The following DNAH10 variants were observed in gnomAD, a reference collection of about 807,000 sequenced individuals.
DNAH10 encodes the protein axonemal beta dynein heavy chain 10.
DNAH10 carries 348 observed loss-of-function variants against 506.6 expected under a neutral mutation model. The ratio of observed to expected loss-of-function variants is 0.69; its 90% confidence interval spans 0.63 to 0.75. The LOEUF (loss-of-function observed/expected upper bound fraction) is 0.75, where lower values mean the gene tolerates loss of function less well. Among genes scored for constraint, DNAH10 ranks in the 30% least tolerant of loss-of-function variants. The pLI is 0.00. For missense variants in DNAH10, 5,179 were observed against 5,787.1 expected, an observed-to-expected ratio of 0.89 and a Z score of 3.41; for synonymous variants, 2,059 against 2,198.6, an observed-to-expected ratio of 0.94 and a Z score of 1.78.
intron 32 of DNAH10, among the ~76,000 whole-genome samples, chr12:123,847,218 T>TTTATCTATC (rs370500982): frequency 4.1e-4 from 58 of 142,836 alleles, no homozygotes; most frequent in Admixed American, 1.1e-3. Flanking sequence ...ATCCATCCTA[T>TTTATCTATC]TATCTATCTA....
In DNAH10 at chr12:123,848,095, G is replaced by A; in HGVS notation, c.5949G>A (p.Arg1983=). Residue 1983 remains arginine (R), a splice_region_variant and synonymous_variant, in exon 33 of 79, where the codon AGG becomes AGA. Transcript: ENST00000673944. ...VTNCGEGMDY[R]AVGKIFSGLA... ...ACTGTGGCGAAGGCATGGATTACAG[G>A]GTAAGGCCTGGCTGTCACCTTTGGT... The A allele has an allele frequency of 6.2e-7, 1 of 1,612,484 alleles. No individual in the cohort carries two copies. Among genetic ancestry groups the A allele is most frequent in the Non-Finnish European group, 8.5e-7 (1 of 1,179,058 alleles).
In DNAH10 at chr12:123,917,618, C is replaced by T. The variant is rs370462388; in HGVS notation, c.11037C>T (p.Ser3679=). The T allele has an allele frequency of 5.7e-4, 889 of 1,551,618 alleles. 2 individuals carry two copies. The highest frequency in any genetic ancestry group is 6.9e-4 in the Non-Finnish European group (797 of 1,147,028). The change falls in exon 64 of 79, where the codon AGC becomes AGT. Residue 3679 remains serine, a synonymous_variant. Transcript: ENST00000673944. This position sits in a 1 kb window ranked among gnomAD's most constrained non-coding sequence, Gnocchi z 5.6. ...AGGGCCTGGAGGACCAGCTGCTGAG[C>T]GTGCTGGTGGCTTACGAGAGGCGGG... is the stretch of plus-strand genomic sequence containing the variant. ...TLKGLEDQLL[S]VLVAYERREL... is the part of the protein sequence containing the mutation.
chr12:123,849,224 A>G (rs564219092), intron 34 of DNAH10, among the ~76,000 whole-genome samples: 1 of 152,334 alleles, frequency 6.6e-6, no homozygotes, highest in East Asian at 1.9e-4. Context: ...CCTGACTTAG[A>G]AAGCGAATGT....
chr12:123,910,932 C>A (rs1323763110), intron 59 of DNAH10, among the ~76,000 whole-genome samples: 3 of 152,006 alleles, frequency 2.0e-5, no homozygotes. Context: ...TCAGACCAGG[C>A]GTGGTAGCTC....
Position 123,799,295 on chromosome 12 carries a change from A to T in DNAH10, c.2213A>T (p.Asp738Val). The T allele has an allele frequency of 6.2e-7, 1 of 1,613,826 alleles. No individual in the cohort carries two copies. Among genetic ancestry groups the T allele is most frequent in the Non-Finnish European group, 8.5e-7 (1 of 1,179,810 alleles). Reference protein sequence around the residue: ...EVGRTMKEYEDRKYEQWMEVT... With the variant: ...EVGRTMKEYEVRKYEQWMEVT... ...GGTAGGACAATGAAGGAGTATGAAGACAGAAAGTATGAGCAGTGGATGGAG... is the reference window on the plus strand; with the variant it reads ...GGTAGGACAATGAAGGAGTATGAAGTCAGAAAGTATGAGCAGTGGATGGAG... The change falls in exon 14 of 79, where the codon GAC becomes GTC. Residue 738 changes from aspartate (D) to valine (V), a missense_variant. By Grantham distance (152) the Asp-to-Val change is radical. Coordinates refer to ENST00000673944, the MANE Select transcript of DNAH10 (RefSeq NM_001372106.1).
At chr12:123,789,119 G>C (rs1238159058) in intron 10 of DNAH10, among the ~76,000 whole-genome samples, 1 of 151,464 alleles carries the variant, frequency 6.6e-6, no homozygotes, top group African/African-American at 2.4e-5. Flanking sequence ...GTGGTGGCGG[G>C]CGCCTGTAAT....
intron 17 of DNAH10, among the ~76,000 whole-genome samples, chr12:123,804,504 G>A (rs1191290186): frequency 6.6e-6 from 1 of 151,070 alleles, no homozygotes; most frequent in Admixed American, 6.6e-5. Context: ...CTCCAGCCTG[G>A]GTGACAGAGT....
In DNAH10 at chr12:123,902,378, G is replaced by A. The variant is rs1164830523; in HGVS notation, c.9641-561G>A. Among the ~76,000 whole-genome samples, 3 of 152,164 alleles carry A rather than the reference G, an allele frequency of 2.0e-5. No individual in the cohort carries two copies. Among genetic ancestry groups the A allele is most frequent in the Admixed American group, 6.6e-5 (1 of 15,266 alleles). ...TCTAGGTTTTGGGGTTCCGGCCCTC[G>A]GGGAGGTGCTGACATCCTAGTGAGT... On this transcript the variant is annotated intron_variant, in intron 56 of 78. Transcript: ENST00000673944. The surrounding 1 kb of genome is among the most constrained non-coding windows in gnomAD (Gnocchi z 4.5).
At chr12:123,767,975 A>AC (rs1957110678) in intron 2 of DNAH10, among the ~76,000 whole-genome samples, 1 of 152,156 alleles carries the variant, frequency 6.6e-6, no homozygotes, top group African/African-American at 2.4e-5. Flanking sequence ...CCTCTGCAGG[A>AC]CCAAGGGGAG....
intron 10 of DNAH10, among the ~76,000 whole-genome samples, chr12:123,788,867 G>A (rs1472488556): frequency 2.7e-5 from 4 of 150,264 alleles, no homozygotes; most frequent in Admixed American, 2.0e-4. Context: ...TTGAGGCGCA[G>A]TGAGCCGTGG....
In DNAH10 at chr12:123,902,417, C is replaced by T. The variant is rs1953561483; in HGVS notation, c.9641-522C>T. 6.6e-6 allele frequency among the ~76,000 whole-genome samples: 1 copy of T among 152,106 alleles called. No homozygotes were observed. Among genetic ancestry groups the T allele is most frequent in the South Asian group, 2.1e-4 (1 of 4,824 alleles). The stretch of plus-strand genomic sequence containing the variant: ...ATCCTAGTGAGTGAGGGCACCCAGG[C>T]AGTGAATCAGCCAGTGGTGAAATGA... On this transcript the variant is annotated intron_variant, in intron 56 of 78. Transcript: ENST00000673944. This position sits in a 1 kb window ranked among gnomAD's most constrained non-coding sequence, Gnocchi z 4.5.
Position 123,909,599 on chromosome 12 carries a change from G to A in DNAH10, c.9997+157G>A, listed in dbSNP as rs983433035. Reference sequence around the variant, plus strand: ...GAACAGGCAACTGATGGTCACCAGAGGAAAACAGCAGCCCCATGACGTGAC... The same window carrying A: ...GAACAGGCAACTGATGGTCACCAGAAGAAAACAGCAGCCCCATGACGTGAC... On this transcript the variant is annotated intron_variant, in intron 58 of 78. Transcript: ENST00000673944. This position sits in a 1 kb window ranked among gnomAD's most constrained non-coding sequence, Gnocchi z 5.4. 6.6e-6 allele frequency among the ~76,000 whole-genome samples: 1 copy of A among 152,224 alleles called. No homozygotes were observed. Among genetic ancestry groups the A allele is most frequent in the African/African-American group, 2.4e-5 (1 of 41,446 alleles).
Position 123,853,325 on chromosome 12 carries a change from G to A in DNAH10, c.6411G>A (p.Leu2137=), listed in dbSNP as rs763612688. 2 of 1,612,282 alleles carry A rather than the reference G, an allele frequency of 1.2e-6. No individual in the cohort carries two copies. Among genetic ancestry groups the A allele is most frequent in the Non-Finnish European group, 8.5e-7 (1 of 1,179,178 alleles). ...LKSVLVMAGE[L]KRGSSDLRED... is the part of the protein sequence containing the mutation. ...CGGTGCTGGTCATGGCTGGTGAGCTGAAGAGAGGCTCCTCTGACCTTAGGG... is the reference window on the plus strand; with the variant it reads ...CGGTGCTGGTCATGGCTGGTGAGCTAAAGAGAGGCTCCTCTGACCTTAGGG... Residue 2137 remains leucine (L), a synonymous_variant, in exon 36 of 79, where the codon CTG becomes CTA. Transcript: ENST00000673944. This position sits in a 1 kb window ranked among gnomAD's most constrained non-coding sequence, Gnocchi z 4.7.
At position 123,930,491 on chromosome 12, in the gene DNAH10, T is replaced by C; in HGVS notation, c.12702T>C (p.Asp4234=). 1 of 1,611,346 alleles carries C rather than the reference T, an allele frequency of 6.2e-7. No homozygotes were observed. Among genetic ancestry groups the C allele is most frequent in the Non-Finnish European group, 8.5e-7 (1 of 1,179,148 alleles). Reference sequence around the variant, plus strand: ...AGTACCTGGGGGACTTCATTTTTGATACTTTCCAGCCATTCCACTTCTTCC... The same window carrying C: ...AGTACCTGGGGGACTTCATTTTTGACACTTTCCAGCCATTCCACTTCTTCC... ...MDEYLGDFIF[D]TFQPFHFFRN... Residue 4234 remains aspartate, a synonymous_variant, in exon 73 of 79, where the codon GAT becomes GAC. Transcript: ENST00000673944.
Position 123,823,346 on chromosome 12 carries a change from C to A in DNAH10, c.4179+2588C>A, listed in dbSNP as rs114765685. On this transcript the variant is annotated intron_variant, in intron 24 of 78. Coordinates refer to ENST00000673944, the MANE Select transcript of DNAH10 (RefSeq NM_001372106.1). ...GAGATGAAGCCGTGAGAAGGGACTCCGGAGGCAGCCGGGGGATTGCAGGCA... is the reference window on the plus strand; with the variant it reads ...GAGATGAAGCCGTGAGAAGGGACTCAGGAGGCAGCCGGGGGATTGCAGGCA... 8.3e-3 allele frequency among the ~76,000 whole-genome samples: 1,270 copies of A among 152,228 alleles called. 17 individuals are homozygous for A. Among genetic ancestry groups the A allele is most frequent in the African/African-American group, 0.029 (1,195 of 41,546 alleles).
chr12:123,859,012 C>A, intron 37 of DNAH10, 138 bp from the exon 38 acceptor site: 1 of 809,216 alleles, frequency 1.2e-6, no homozygotes, highest in African/African-American at 1.8e-5. Context: ...GATGGTTGCA[C>A]AACTCTGTGA....
chr12:123,833,144 A>T lies in DNAH10; in HGVS notation c.4576A>T (p.Asn1526Tyr). ...GAAGGAAATCCTAGACACGTGGGAA[A>T]ATATGAAATTCACTGTAGTCAAGTA... ...AVKEILDTWE[N>Y]MKFTVVKYCK... Residue 1526 changes from asparagine to tyrosine, a missense_variant, in exon 27 of 79, where the codon AAT becomes TAT. Transcript: ENST00000673944. 1 of 1,613,180 alleles carries T rather than the reference A, an allele frequency of 6.2e-7. No individual in the cohort carries two copies. Among genetic ancestry groups the T allele is most frequent in the South Asian group, 1.1e-5 (1 of 90,730 alleles).
intron 19 of DNAH10, among the ~76,000 whole-genome samples, chr12:123,811,212 CCTT>C (rs1169124303): frequency 2.6e-5 from 4 of 152,160 alleles, no homozygotes; most frequent in Non-Finnish European, 5.9e-5. Context: ...ATACCATTCA[CCTT>C]CTAGTGCGTG....
chr12:123,899,366 T>C (rs926229464), intron 56 of DNAH10, among the ~76,000 whole-genome samples: 3 of 152,158 alleles, frequency 2.0e-5, no homozygotes, highest in Non-Finnish European at 4.4e-5. Flanking sequence ...CTCTAGGTCT[T>C]TGGGCCAGTG....
Sources: gnomAD v4.1 joint callset for allele counts (sites outside exome capture counted in the v4.1 genomes callset) on GRCh38, gnomAD v4.1.1 for gene constraint, Gnocchi (gnomAD v3.1) non-coding constraint, MANE v1.5 for transcripts, NCBI Gene and HGNC (gene_info 2026-07-23, HGNC 2026-07-21) for gene names.